RORA: variants seen among roughly 807,000 people sequenced by gnomAD.
RORA encodes RAR related orphan receptor A.
A neutral mutation model predicts 69.5 loss-of-function variants in RORA; 7 were observed. That is an observed-to-expected ratio of 0.10 (90% CI 0.06 to 0.19). The LOEUF (loss-of-function observed/expected upper bound fraction) is 0.19. RORA is among the 10% of genes least tolerant of loss of function. The pLI, the probability that RORA is intolerant of heterozygous loss-of-function variation, is 1.00. For synonymous variants in RORA, 261 were observed against 240.8 expected, an observed-to-expected ratio of 1.08 and a Z score of -0.78; for missense variants, 457 against 663.0, an observed-to-expected ratio of 0.69 and a Z score of 3.41.
intron 1 of RORA, among the ~76,000 whole-genome samples, chr15:61,018,704 T>C (rs1180588606): frequency 6.6e-6 from 1 of 152,192 alleles, no homozygotes; most frequent in East Asian, 1.9e-4. Flanking sequence ...GATGTATATA[T>C]GACTATACTG....
chr15:60,672,928 T>G (rs1318648699), intron 2 of RORA, among the ~76,000 whole-genome samples: 1 of 152,228 alleles, frequency 6.6e-6, no homozygotes, highest in East Asian at 1.9e-4. Flanking sequence ...CATAGACATC[T>G]AGCGCTTTTT....
At chr15:60,982,146 T>A (rs1894061103) in intron 1 of RORA, among the ~76,000 whole-genome samples, 1 of 152,230 alleles carries the variant, frequency 6.6e-6, no homozygotes, top group Non-Finnish European at 1.5e-5. Flanking sequence ...AGGGGCTCTG[T>A]GTCCATTGTG....
At chr15:60,826,222 A>G (rs954448719) in intron 1 of RORA, among the ~76,000 whole-genome samples, 3 of 152,028 alleles carry the variant, frequency 2.0e-5, no homozygotes, top group Non-Finnish European at 4.4e-5. Context: ...CACTTTTTAC[A>G]TTTTCTTTTC....
intron 1 of RORA, among the ~76,000 whole-genome samples, chr15:60,940,310 G>A (rs1305344296): frequency 6.6e-6 from 1 of 152,178 alleles, no homozygotes; most frequent in Non-Finnish European, 1.5e-5. Context: ...ACGTCCATAC[G>A]ATGGAATACT....
At position 60,507,692 on chromosome 15, in the gene RORA, A is replaced by G. The variant is rs867171932; in HGVS notation, c.821-2063T>C. On this transcript the variant is annotated intron_variant, in intron 5 of 10. Transcript: ENST00000335670. ...TAAGGTAGTGAACTACCTCTTTTGG[A>G]AAGAACTCTCACTATATAAGGTCGT... Among the ~76,000 whole-genome samples the G allele has an allele frequency of 3.3e-5, 5 of 152,290 alleles. No individual in the cohort carries two copies. In the Middle Eastern group the frequency reaches 0.01, roughly 311 times the overall value.
intron 3 of RORA, among the ~76,000 whole-genome samples, chr15:60,518,401 A>G (rs1352031760): frequency 6.6e-6 from 1 of 152,244 alleles, no homozygotes; most frequent in African/African-American, 2.4e-5. Context: ...CTTACTGAGT[A>G]CTTGTAGTAA....
chr15:61,103,478 GC>G (rs2078909327), intron 1 of RORA, among the ~76,000 whole-genome samples: 1 of 152,188 alleles, frequency 6.6e-6, no homozygotes, highest in Admixed American at 6.5e-5. Flanking sequence ...AGGGTGGGGT[GC>G]CCCCTGCAGC....
intron 2 of RORA, among the ~76,000 whole-genome samples, chr15:60,657,941 A>G (rs940499807): frequency 6.6e-6 from 1 of 152,036 alleles, no homozygotes; most frequent in African/African-American, 2.4e-5. Flanking sequence ...GGGGATTCCT[A>G]TGTTGTCTCT....
chr15:60,753,177 G>A lies in RORA; in HGVS notation c.167-74491C>T, dbSNP rs539867028. On this transcript the variant is annotated intron_variant, in intron 1 of 10. Transcript: ENST00000335670. ...CAGGGAGCAGCACGTGGATGGCGTA[G>A]AAAAGGGACCCCTTTAAGTCCTACT... 2.0e-5 allele frequency among the ~76,000 whole-genome samples: 3 copies of A among 152,336 alleles called. No homozygotes were observed. In the East Asian group the frequency reaches 5.8e-4, roughly 29 times the overall value.
At chr15:60,680,655 A>T (rs1280807893) in intron 1 of RORA, among the ~76,000 whole-genome samples, 1 of 152,182 alleles carries the variant, frequency 6.6e-6, no homozygotes, top group Non-Finnish European at 1.5e-5. Context: ...ACTGGGAGCT[A>T]CACTTATATT....
At chr15:60,764,810 C>T (rs1186562353) in intron 1 of RORA, 1 of 152,232 alleles carries the variant, frequency 6.6e-6, no homozygotes, top group Non-Finnish European at 1.5e-5. Context: ...TCCTTGCCAA[C>T]CACATTGCTT....
In RORA at chr15:61,128,194, T is replaced by C. The variant is rs1596012119; in HGVS notation, c.166+100859A>G. On this transcript the variant is annotated intron_variant, in intron 1 of 10. Transcript: ENST00000335670. This position sits in a 1 kb window ranked among gnomAD's most constrained non-coding sequence, Gnocchi z 4.5. ...CCCTATATCATAATTGCTGTGTGTG[T>C]GTATGCACACGTGTGTGTGTGTGTG... Among the ~76,000 whole-genome samples, 1 of 142,598 alleles carries C rather than the reference T, an allele frequency of 7.0e-6. No individual in the cohort carries two copies. The highest frequency in any genetic ancestry group is 2.3e-4 in the South Asian group (1 of 4,304). The allele number at this position is 142,598 out of a possible 152,430, so 93.5% of individuals were successfully genotyped here.
chr15:61,170,378 T>C (rs957504780), intron 1 of RORA, among the ~76,000 whole-genome samples: 7 of 152,358 alleles, frequency 4.6e-5, no homozygotes, highest in African/African-American at 1.7e-4. Flanking sequence ...CAAATCTTTC[T>C]CTTCCTGTTT....
rs981056958 is a variant in RORA at position 61,226,978 on chromosome 15, G to C, written c.166+2075C>G. On this transcript the variant is annotated intron_variant, in intron 1 of 10. Transcript: ENST00000335670. This position sits in a 1 kb window ranked among gnomAD's most constrained non-coding sequence, Gnocchi z 4.2. The stretch of plus-strand genomic sequence containing the variant: ...TCTCCCCTTTTTGCTGAGCCTAAGG[G>C]GGCTGGTGGCACTGAATGCTCCGGC... 6.6e-6 allele frequency among the ~76,000 whole-genome samples: 1 copy of C among 152,056 alleles called. No homozygotes were observed. Among genetic ancestry groups the C allele is most frequent in the Non-Finnish European group, 1.5e-5 (1 of 68,016 alleles).
At chr15:61,216,081 TTCAC>T (rs2080038135) in intron 1 of RORA, among the ~76,000 whole-genome samples, 1 of 152,216 alleles carries the variant, frequency 6.6e-6, no homozygotes, top group Non-Finnish European at 1.5e-5. Flanking sequence ...CCATACTTGC[TTCAC>T]TATTTTTAGC....
intron 1 of RORA, among the ~76,000 whole-genome samples, chr15:61,129,812 T>G (rs2140839892): frequency 6.6e-6 from 1 of 152,292 alleles, no homozygotes; most frequent in South Asian, 2.1e-4. Flanking sequence ...TGCCTGCAAC[T>G]GAAAGAGATG....
In RORA at chr15:60,874,833, T is replaced by A. The variant is rs576690095; in HGVS notation, c.167-196147A>T. Among the ~76,000 whole-genome samples, 78 of 152,350 alleles carry A rather than the reference T, an allele frequency of 5.1e-4. 3 individuals carry two copies. The South Asian group carries it at 0.016, about 31-fold the overall frequency. On this transcript the variant is annotated intron_variant, in intron 1 of 10. Transcript: ENST00000335670. ...TAGTGTACAAATTCTGCTTTTTCACTAACTATAGGTGATTTGGGGCAAGTT... is the reference window on the plus strand; with the variant it reads ...TAGTGTACAAATTCTGCTTTTTCACAAACTATAGGTGATTTGGGGCAAGTT...
At chr15:60,661,813 T>G (rs1481142011) in intron 2 of RORA, among the ~76,000 whole-genome samples, 1 of 152,190 alleles carries the variant, frequency 6.6e-6, no homozygotes, top group Non-Finnish European at 1.5e-5. Context: ...TGTCCAGAAC[T>G]ACCTGGTATC....
intron 1 of RORA, among the ~76,000 whole-genome samples, chr15:60,921,370 C>T (rs775274935): frequency 2.2e-4 from 33 of 152,210 alleles, no homozygotes; most frequent in Non-Finnish European, 4.3e-4. Flanking sequence ...CCATTGCAGG[C>T]ATCAACATGG....
Sources: allele counts gnomAD v4.1 joint callset (sites outside exome capture counted in the v4.1 genomes callset), GRCh38; gene constraint gnomAD v4.1.1; non-coding constraint Gnocchi (gnomAD v3.1); transcripts MANE v1.5; gene names NCBI Gene and HGNC (gene_info 2026-07-23, HGNC 2026-07-21).